Variants in HTR1E observed in about 807,000 individuals in gnomAD.
HTR1E encodes 5-hydroxytryptamine receptor 1E, also known as 5-HT-1E.
HTR1E carries 3 observed loss-of-function variants against 3.4 expected under a neutral mutation model. That is an observed-to-expected ratio of 0.89 (90% CI 0.41 to 2.31). HTR1E has a LOEUF of 2.31. HTR1E is among the 30% of genes most tolerant of loss of function. The pLI, the probability that HTR1E is intolerant of heterozygous loss-of-function variation, is 0.05. For missense variants in HTR1E, 392 were observed against 467.0 expected (o/e 0.84, Z 1.48); for synonymous variants, 170 against 182.8 (o/e 0.93, Z 0.56).
intron 1 of HTR1E, among the ~76,000 whole-genome samples, chr6:86,993,116 G>T (rs1285691679): frequency 6.6e-6 from 1 of 152,052 alleles, no homozygotes; most frequent in African/African-American, 2.4e-5. Context: ...TATGCTCAAA[G>T]TTCATTCTCC....
intron 1 of HTR1E, among the ~76,000 whole-genome samples, chr6:86,995,821 G>A (rs1378398665): frequency 6.6e-6 from 1 of 151,646 alleles, no homozygotes; most frequent in African/African-American, 2.4e-5. Flanking sequence ...GGCAGTAGGA[G>A]TGTCTATATT....
At chr6:86,948,282 TC>T (rs1310316155) in intron 1 of HTR1E, among the ~76,000 whole-genome samples, 1 of 152,222 alleles carries the variant, frequency 6.6e-6, no homozygotes, top group Non-Finnish European at 1.5e-5. Flanking sequence ...TTTGAAAACA[TC>T]ATTTCTAATA....
At chr6:86,971,094 A>G (rs1767547366) in intron 1 of HTR1E, 2 of 510,118 alleles carry the variant, frequency 3.9e-6, no homozygotes, top group South Asian at 1.4e-5. Context: ...TATCCTCTCC[A>G]TGAGGAGGAA....
chr6:87,013,390 G>A (rs1768266666), intron 1 of HTR1E, among the ~76,000 whole-genome samples: 1 of 152,142 alleles, frequency 6.6e-6, no homozygotes, highest in Non-Finnish European at 1.5e-5. Context: ...TTGGACTCAT[G>A]ATATTTTTTA....
chr6:86,989,830 G>A (rs1386100520), intron 1 of HTR1E, among the ~76,000 whole-genome samples: 1 of 152,044 alleles, frequency 6.6e-6, no homozygotes. Context: ...TTTGCAGGAG[G>A]ATTCTGTTCT....
chr6:86,978,804 C>T (rs1185312389), intron 1 of HTR1E, among the ~76,000 whole-genome samples: 1 of 152,228 alleles, frequency 6.6e-6, no homozygotes, highest in Non-Finnish European at 1.5e-5. Context: ...CTGAATAGTT[C>T]CCATGCAGGT....
intron 1 of HTR1E, among the ~76,000 whole-genome samples, chr6:86,963,051 T>G (rs1324797010): frequency 6.6e-6 from 1 of 152,108 alleles, no homozygotes; most frequent in African/African-American, 2.4e-5. Context: ...AAGGCATTAC[T>G]ATTATAGGAG....
Position 87,016,484 on chromosome 6 carries a change from G to T in HTR1E, c.*52G>T, listed in dbSNP as rs758792160. 2.1e-6 allele frequency: 3 copies of T among 1,459,844 alleles called. No homozygotes were observed. The highest frequency in any genetic ancestry group is 2.8e-5 in the African/African-American group (2 of 70,634). The allele number at this position is 1,459,844 out of a possible 1,614,324, so 90.4% of individuals were successfully genotyped here. On this transcript the variant is annotated 3_prime_UTR_variant, in exon 2 of 2. Transcript: ENST00000305344. ...TTTTCCAGAGCCTCATGAGTGGATGGGGGTAAGGGGTGCAACTTATTAATT... is the reference window on the plus strand; with the variant it reads ...TTTTCCAGAGCCTCATGAGTGGATGTGGGTAAGGGGTGCAACTTATTAATT...
At chr6:86,986,877 G>T (rs1302518612) in intron 1 of HTR1E, among the ~76,000 whole-genome samples, 4 of 151,778 alleles carry the variant, frequency 2.6e-5, no homozygotes, top group Non-Finnish European at 5.9e-5. Flanking sequence ...GTTCACGGGG[G>T]GTAAGAAGAA....
At chr6:87,001,998 A>T (rs2127830501) in intron 1 of HTR1E, among the ~76,000 whole-genome samples, 2 of 152,340 alleles carry the variant, frequency 1.3e-5, no homozygotes, top group East Asian at 3.9e-4. Flanking sequence ...AGATTTCAAA[A>T]CAGAAACTAT....
chr6:86,940,366 T>C (rs1218795431), intron 1 of HTR1E, among the ~76,000 whole-genome samples: 2 of 152,036 alleles, frequency 1.3e-5, no homozygotes. Flanking sequence ...TGAGAACTCA[T>C]CTCTACAAAA....
At chr6:86,938,977 G>A (rs781129779) in intron 1 of HTR1E, among the ~76,000 whole-genome samples, 3 of 152,140 alleles carry the variant, frequency 2.0e-5, no homozygotes, top group African/African-American at 4.8e-5. Flanking sequence ...TTAATCCTGC[G>A]CAAGAGAGGC....
At chr6:87,010,592 C>T (rs1419842786) in intron 1 of HTR1E, among the ~76,000 whole-genome samples, 3 of 143,928 alleles carry the variant, frequency 2.1e-5, no homozygotes, top group African/African-American at 5.2e-5. Context: ...GATGTGATGG[C>T]GGCTGGGAAG....
At position 87,015,554 on chromosome 6, in the gene HTR1E, C is replaced by G; in HGVS notation, c.220C>G (p.Leu74Val). 1 of 1,612,828 alleles carries G rather than the reference C, an allele frequency of 6.2e-7. No homozygotes were observed. The highest frequency in any genetic ancestry group is 8.5e-7 in the Non-Finnish European group (1 of 1,179,222). ...LAVTDLLVAV[L>V]VMPLSIIYIV... ...CGTGACGGACCTCCTGGTGGCAGTG[C>G]TCGTCATGCCCCTGAGCATCATCTA... Residue 74 changes from leucine to valine, a missense_variant, in exon 2 of 2, where the codon CTC (leucine) becomes GTC (valine). Physicochemically the swap from Leu to Val is conservative, Grantham distance 32. Around this residue, in one of 3 missense-constraint regions of HTR1E, gnomAD observed 189 missense variants for 258.0 expected, o/e 0.73. Transcript: ENST00000305344.
intron 1 of HTR1E, among the ~76,000 whole-genome samples, chr6:86,960,337 T>C (rs781753815): frequency 2.0e-5 from 3 of 152,140 alleles, no homozygotes; most frequent in Non-Finnish European, 4.4e-5. Context: ...TATACTGACA[T>C]TAATCCATTC....
intron 1 of HTR1E, among the ~76,000 whole-genome samples, chr6:86,947,217 ATCC>A (rs982457280): frequency 7.9e-5 from 12 of 152,120 alleles, no homozygotes; most frequent in African/African-American, 2.4e-4. Flanking sequence ...ATAAATAATT[ATCC>A]TCATTATTTT....
At chr6:86,976,201 A>G (rs576497650) in intron 1 of HTR1E, among the ~76,000 whole-genome samples, 40 of 152,160 alleles carry the variant, frequency 2.6e-4, no homozygotes, top group African/African-American at 8.7e-4. Context: ...GGGAATGAGG[A>G]AAGTAGCAAG....
intron 1 of HTR1E, among the ~76,000 whole-genome samples, chr6:86,977,876 T>C (rs1767662055): frequency 6.6e-6 from 1 of 152,212 alleles, no homozygotes; most frequent in Admixed American, 6.5e-5. Context: ...GAAGTGTCTG[T>C]TAATATCCTT....
intron 1 of HTR1E, among the ~76,000 whole-genome samples, chr6:86,988,232 A>C (rs1767820012): frequency 6.6e-6 from 1 of 152,164 alleles, no homozygotes; most frequent in South Asian, 2.1e-4. Context: ...TCAAAAGAGG[A>C]CCATGCCCTG....
Sources: allele counts gnomAD v4.1 joint callset (sites outside exome capture counted in the v4.1 genomes callset), GRCh38; gene constraint gnomAD v4.1.1; regional missense constraint gnomAD v4.1.1; transcripts MANE v1.5; gene names NCBI Gene and HGNC (gene_info 2026-07-23, HGNC 2026-07-21).